The following STS variants were observed in gnomAD, a reference collection of about 807,000 sequenced individuals.
STS encodes steroid sulfatase.
Under a neutral mutation model 26.8 loss-of-function variants are expected in STS, and 7 were observed. The ratio of observed to expected loss-of-function variants is 0.26; its 90% CI spans 0.15 to 0.49. The LOEUF (loss-of-function observed/expected upper bound fraction) is 0.49. STS is among the 20% of genes least tolerant of loss of function. The pLI, the probability that STS is intolerant of heterozygous loss-of-function variation, is 0.98. For missense variants in STS, 434 were observed against 465.6 expected (o/e 0.93, Z 0.63); for synonymous variants, 199 against 189.4 (o/e 1.05, Z -0.42).
chrX:7,305,221 G>A (rs752418757), intron 8 of STS, 38 bp downstream of exon 8: 1 of 1,204,914 alleles, frequency 8.3e-7, no homozygotes, highest in Non-Finnish European at 1.1e-6. Context: ...TGGCCTCTCA[G>A]CTCATCCGCT....
intron 3 of STS, among the ~76,000 whole-genome samples, chrX:7,256,279 GA>G (rs1489426704): frequency 2.7e-5 from 3 of 112,191 alleles, no homozygotes; most frequent in African/African-American, 3.2e-5. Flanking sequence ...TCCATTCATA[GA>G]GAAAGGCTAA....
chrX:7,191,296 G>A (rs1933868077), intron 2 of STS, among the ~76,000 whole-genome samples: 1 of 112,160 alleles, frequency 8.9e-6, no homozygotes, highest in Non-Finnish European at 1.9e-5. Context: ...AATCTGATGA[G>A]CATAAGCAAG....
chrX:7,322,323 C>G, intron 8 of STS, among the ~76,000 whole-genome samples: 1 of 111,877 alleles, frequency 8.9e-6, no homozygotes, highest in East Asian at 2.8e-4. Flanking sequence ...GTATGTGTCT[C>G]TCAGTTCATC....
chrX:7,333,439 T>C (rs1489549339), intron 9 of STS, among the ~76,000 whole-genome samples: 1 of 112,237 alleles, frequency 8.9e-6, no homozygotes, highest in Non-Finnish European at 1.9e-5. Context: ...ATGGTATCAT[T>C]ATTATTATAT....
intron 1 of STS, among the ~76,000 whole-genome samples, chrX:7,184,890 C>T (rs1209707419): frequency 8.9e-6 from 1 of 112,059 alleles, no homozygotes; most frequent in African/African-American, 3.2e-5. Context: ...CATCAGTACC[C>T]TGGGCACTTC....
chrX:7,220,219 G>A (rs892455608), intron 2 of STS, among the ~76,000 whole-genome samples: 1 of 111,488 alleles, frequency 9.0e-6, no homozygotes, highest in Non-Finnish European at 1.9e-5. Flanking sequence ...TGAGAAAGAT[G>A]GTGGGAGCCA....
intron 1 of STS, among the ~76,000 whole-genome samples, chrX:7,163,453 C>G (rs144432526): frequency 0.012 from 1,352 of 112,186 alleles, 22 homozygotes; most frequent in African/African-American, 0.041. Flanking sequence ...CTTGTCACAG[C>G]TGGTTTGACC....
intron 6 of STS, among the ~76,000 whole-genome samples, chrX:7,263,453 A>C (rs1262532355): frequency 8.9e-6 from 1 of 112,711 alleles, no homozygotes; most frequent in Non-Finnish European, 1.9e-5. Flanking sequence ...ATTGCATTGC[A>C]GTTGCCTGCA....
intron 6 of STS, among the ~76,000 whole-genome samples, chrX:7,275,550 A>G (rs1221355878): frequency 1.8e-5 from 2 of 111,777 alleles, no homozygotes; most frequent in African/African-American, 6.5e-5. Context: ...ATTTGTGTAT[A>G]AATTTTTTTC....
rs1928673875 is a variant in STS, at chrX:7,349,315, CCTTTTTTTTTTTTTT to C, written c.1364-572_1364-558del. Among the ~76,000 whole-genome samples the C allele has an allele frequency of 9.9e-5, 2 of 20,285 alleles. 1 individual carries two copies. Among genetic ancestry groups the C allele is most frequent in the African/African-American group, 3.5e-4 (2 of 5,711 alleles). 17.6% of individuals were successfully genotyped at this position (20,285 alleles called of 115,157 possible). On this transcript the variant is annotated intron_variant, in intron 10 of 10. Coordinates refer to ENST00000674429, the MANE Select transcript of STS (RefSeq NM_001320752.2). ...CGCTGCACTCGGCCCTCATTTAATT[CCTTTTTTTTTTTTTT>C]TTTTTTTTTTTTTTTTTTTTTTTGA... is the stretch of plus-strand genomic sequence containing the variant.
At chrX:7,327,582 A>G (rs1399189486) in intron 9 of STS, among the ~76,000 whole-genome samples, 1 of 109,435 alleles carries the variant, frequency 9.1e-6, no homozygotes, top group African/African-American at 3.3e-5. Context: ...ACAGGGTTTC[A>G]CCATGTTGCC....
intron 2 of STS, among the ~76,000 whole-genome samples, chrX:7,216,884 G>A (rs759312073): frequency 1.8e-5 from 2 of 111,816 alleles, no homozygotes; most frequent in African/African-American, 3.3e-5. Context: ...AACACAAGGT[G>A]TGGGAGGATG....
Position 7,350,349 on chromosome X carries a change from C to T in STS, c.*88C>T. 1 of 1,098,931 alleles carries T rather than the reference C, an allele frequency of 9.1e-7. No homozygotes were observed. Among genetic ancestry groups the T allele is most frequent in the South Asian group, 2.0e-5 (1 of 50,647 alleles). The allele number at this position is 1,098,931 out of a possible 1,213,427, so 90.6% of individuals were successfully genotyped here. A position where few individuals can be genotyped will look rare whatever the true frequency, so the allele number is the denominator to read the frequency against. On this transcript the variant is annotated 3_prime_UTR_variant, in exon 11 of 11. Coordinates refer to ENST00000674429, the MANE Select transcript of STS (RefSeq NM_001320752.2). ...TGAGAGTGGCACTGGGGAAACATAA[C>T]TCCATCTACACCTTGGATTTGGACT... is the stretch of plus-strand genomic sequence containing the variant.
chrX:7,332,899 A>G (rs1927827352), intron 9 of STS, among the ~76,000 whole-genome samples: 1 of 111,937 alleles, frequency 8.9e-6, no homozygotes, highest in African/African-American at 3.3e-5. Context: ...ATAATAGAAT[A>G]TTTTCAGTCT....
At chrX:7,324,857 A>G (rs758177008) in intron 8 of STS, among the ~76,000 whole-genome samples, 10 of 111,888 alleles carry the variant, frequency 8.9e-5, no homozygotes, top group East Asian at 2.8e-4. Context: ...AATGCAGGGT[A>G]ATCTCCTCAT....
chrX:7,180,682 T>A (rs1933663583), intron 1 of STS, among the ~76,000 whole-genome samples: 1 of 112,129 alleles, frequency 8.9e-6, no homozygotes, highest in Non-Finnish European at 1.9e-5. Flanking sequence ...AAACTAGGTG[T>A]TAATTTAATG....
intron 2 of STS, among the ~76,000 whole-genome samples, chrX:7,204,481 C>G (rs1306393889): frequency 2.8e-5 from 3 of 106,017 alleles, no homozygotes; most frequent in Non-Finnish European, 3.9e-5. Context: ...TCTTTCCTTC[C>G]TCCCTCCCTT....
intron 7 of STS, among the ~76,000 whole-genome samples, chrX:7,294,444 A>T (rs776845235): frequency 9.0e-6 from 1 of 111,357 alleles, no homozygotes; most frequent in East Asian, 2.8e-4. Flanking sequence ...TTCAGATGGG[A>T]TTAATAAAAG....
chrX:7,167,827 A>G (rs771072331), intron 1 of STS, among the ~76,000 whole-genome samples: 17 of 110,968 alleles, frequency 1.5e-4, no homozygotes, highest in Non-Finnish European at 2.8e-4. Context: ...AGCTGGGACT[A>G]CAAGTACTCA....
Sources: gnomAD v4.1 joint callset for allele counts (sites outside exome capture counted in the v4.1 genomes callset) on GRCh38, gnomAD v4.1.1 for gene constraint, MANE v1.5 for transcripts, NCBI Gene and HGNC (gene_info 2026-07-23, HGNC 2026-07-21) for gene names.